Variants in SORCS3 observed in about 807,000 individuals in gnomAD.
SORCS3 encodes VPS10 domain-containing receptor SorCS3.
In SORCS3, 57 loss-of-function variants were observed where a neutral mutation model predicts 146.3. That is an observed-to-expected ratio of 0.39 (90% confidence interval 0.31 to 0.49). The LOEUF is 0.49. Ranked by LOEUF, SORCS3 falls within the 20% of genes least tolerant of loss-of-function variation. The pLI is 0.92. For synonymous variants in SORCS3, 653 were observed against 618.5 expected, an observed-to-expected ratio of 1.06 and a Z score of -0.83; for missense variants, 1,341 against 1,575.5, an observed-to-expected ratio of 0.85 and a Z score of 2.52.
intron 3 of SORCS3, among the ~76,000 whole-genome samples, chr10:104,967,261 AAAATATTAC>A (rs2054831075): frequency 6.6e-6 from 1 of 152,206 alleles, no homozygotes. Context: ...GTGTTTTCTT[AAAATATTAC>A]CAGAAATGCA....
intron 5 of SORCS3, among the ~76,000 whole-genome samples, chr10:105,066,894 G>A (rs761938261): frequency 6.6e-6 from 1 of 152,088 alleles, no homozygotes; most frequent in Non-Finnish European, 1.5e-5. Flanking sequence ...AGACGTAAAT[G>A]TACCAGCTTT....
intron 23 of SORCS3, 105 bp downstream of exon 23, chr10:105,253,011 C>G: frequency 1.5e-6 from 2 of 1,347,038 alleles, no homozygotes; most frequent in Non-Finnish European, 2.0e-6. Context: ...CTTCCATTAC[C>G]CCAACAGCCA....
intron 3 of SORCS3, among the ~76,000 whole-genome samples, chr10:104,943,366 T>C (rs2019339538): frequency 6.6e-6 from 1 of 152,160 alleles, no homozygotes; most frequent in South Asian, 2.1e-4. Context: ...GCTAAGGCAA[T>C]CCACCTGCCT....
intron 7 of SORCS3, among the ~76,000 whole-genome samples, chr10:105,111,859 G>A (rs140331683): frequency 0.014 from 2,081 of 152,308 alleles, 17 homozygotes; most frequent in Non-Finnish European, 0.02. Flanking sequence ...TTAAGTAGGT[G>A]AAGGAGAAAG....
intron 7 of SORCS3, among the ~76,000 whole-genome samples, chr10:105,138,496 A>G (rs2056073689): frequency 6.6e-6 from 1 of 152,220 alleles, no homozygotes; most frequent in Admixed American, 6.5e-5. Context: ...TTGCCTCCTC[A>G]GCGCAGCAGC....
chr10:104,956,430 G>T (rs2019490762), intron 3 of SORCS3, among the ~76,000 whole-genome samples: 1 of 152,118 alleles, frequency 6.6e-6, no homozygotes, highest in African/African-American at 2.4e-5. Context: ...GATTCTCTGT[G>T]TTTGCGCTCA....
chr10:104,705,539 ATTAC>A (rs1169218940), intron 1 of SORCS3, among the ~76,000 whole-genome samples: 1 of 152,206 alleles, frequency 6.6e-6, no homozygotes, highest in African/African-American at 2.4e-5. Flanking sequence ...TGATTTACAT[ATTAC>A]TTAATTAAAC....
At chr10:105,139,128 G>A (rs977583833) in intron 7 of SORCS3, among the ~76,000 whole-genome samples, 3 of 152,232 alleles carry the variant, frequency 2.0e-5, no homozygotes, top group East Asian at 1.9e-4. Flanking sequence ...GCCATGTGCA[G>A]AGCACAGTGA....
chr10:105,030,383 C>T (rs1172091839), intron 4 of SORCS3, among the ~76,000 whole-genome samples: 1 of 152,126 alleles, frequency 6.6e-6, no homozygotes. Flanking sequence ...GGATTCTCTT[C>T]TATATGGTCT....
At chr10:105,252,128 A>G (rs1017421725) in intron 22 of SORCS3, among the ~76,000 whole-genome samples, 2 of 152,076 alleles carry the variant, frequency 1.3e-5, no homozygotes, top group African/African-American at 4.8e-5. Flanking sequence ...GGCTTTTCCT[A>G]TATTTTGGAT....
At position 104,704,102 on chromosome 10, in the gene SORCS3, G is replaced by A. The variant is rs1005941142; in HGVS notation, c.627+62148G>A. ...TAACATGGTTATTTAAAACTCTGAG[G>A]CCTTTTGGCCAGTTTTGGATTTGTT... On this transcript the variant is annotated intron_variant, in intron 1 of 26. Coordinates refer to ENST00000369701, the MANE Select transcript of SORCS3 (RefSeq NM_014978.3). 4.6e-5 allele frequency among the ~76,000 whole-genome samples: 7 copies of A among 151,900 alleles called. 1 individual carries two copies. The highest frequency in any genetic ancestry group is 4.6e-4 in the Admixed American group (7 of 15,248).
At chr10:105,105,266 A>G in intron 6 of SORCS3, 131 bp from the exon 7 acceptor site, 1 of 591,094 alleles carries the variant, frequency 1.7e-6, no homozygotes, top group Admixed American at 3.3e-5. Flanking sequence ...TCTGTGGACA[A>G]AAGCATGAAA....
At chr10:104,697,556 T>C (rs569140278) in intron 1 of SORCS3, among the ~76,000 whole-genome samples, 1 of 152,298 alleles carries the variant, frequency 6.6e-6, no homozygotes, top group East Asian at 1.9e-4. Context: ...AAACCTTTTC[T>C]TTACATCAAA....
rs1485955556 is a variant in SORCS3 at position 105,105,459 on chromosome 10, G to T, written c.1156G>T (p.Ala386Ser). The change falls in exon 7 of 27, where the codon GCC becomes TCC. Residue 386 changes from alanine (A) to serine (S), a missense_variant. Transcript: ENST00000369701. ...CGAGACAACTAGAAGTGGGCCTTTT[G>T]CCCGCTCCATTGACATCAGTTCCCT... ...CAETTRSGPF[A>S]RSIDISSLVV... 1 of 1,613,716 alleles carries T rather than the reference G, an allele frequency of 6.2e-7. No individual in the cohort carries two copies. The highest frequency in any genetic ancestry group is 1.7e-5 in the Admixed American group (1 of 59,992).
intron 1 of SORCS3, among the ~76,000 whole-genome samples, chr10:104,721,950 C>T (rs2016555517): frequency 1.3e-5 from 2 of 152,110 alleles, no homozygotes; most frequent in African/African-American, 4.8e-5. Flanking sequence ...TCCTCTTTTC[C>T]TAATTGAATA....
chr10:105,114,595 G>A (rs1021139145), intron 7 of SORCS3, among the ~76,000 whole-genome samples: 1 of 152,128 alleles, frequency 6.6e-6, no homozygotes, highest in African/African-American at 2.4e-5. Flanking sequence ...TTGAGCCTGG[G>A]AGGGTTTGTG....
chr10:105,211,326 C>A, intron 17 of SORCS3, 76 bp downstream of exon 17: 1 of 955,550 alleles, frequency 1.0e-6, no homozygotes, highest in Non-Finnish European at 1.7e-6. Flanking sequence ...AAATGCATTG[C>A]TATTGAATAC....
intron 4 of SORCS3, among the ~76,000 whole-genome samples, chr10:105,026,850 A>G (rs1050606140): frequency 1.3e-5 from 2 of 152,160 alleles, no homozygotes; most frequent in Non-Finnish European, 2.9e-5. Flanking sequence ...GAAGGGGACC[A>G]AGGGGTGAAA....
intron 1 of SORCS3, among the ~76,000 whole-genome samples, chr10:104,824,633 G>T (rs549723686): frequency 6.6e-6 from 1 of 152,198 alleles, no homozygotes; most frequent in African/African-American, 2.4e-5. Context: ...TGTCCCAGGT[G>T]CTGGAGATAT....
Sources: allele counts gnomAD v4.1 joint callset (sites outside exome capture counted in the v4.1 genomes callset), GRCh38; gene constraint gnomAD v4.1.1; transcripts MANE v1.5; gene names NCBI Gene and HGNC (gene_info 2026-07-23, HGNC 2026-07-21).